The following MTMR12 variants were observed in gnomAD, a reference collection of about 807,000 sequenced individuals.
MTMR12 encodes the protein myotubularin related protein 12, also known as myotubularin-related protein 12.
A neutral mutation model predicts 96.7 loss-of-function variants in MTMR12; 33 were observed. That is an observed-to-expected ratio of 0.34 (90% CI 0.26 to 0.46). The LOEUF (loss-of-function observed/expected upper bound fraction) is 0.46. MTMR12 is among the 20% of genes least tolerant of loss of function. The pLI, the probability that MTMR12 is intolerant of heterozygous loss-of-function variation, is 1.00. For synonymous variants in MTMR12, 298 were observed against 327.2 expected, an observed-to-expected ratio of 0.91 and a Z score of 0.96; for missense variants, 721 against 896.1, an observed-to-expected ratio of 0.80 and a Z score of 2.49.
Position 32,255,686 on chromosome 5 carries a change from C to A in MTMR12, c.789+7G>T, listed in dbSNP as rs750217414. 6.8e-6 allele frequency: 11 copies of A among 1,606,450 alleles called. No individual in the cohort carries two copies. In the Middle Eastern group the frequency reaches 6.6e-4, roughly 96 times the overall value. On this transcript the variant is annotated splice_region_variant and intron_variant, in intron 8 of 15. Transcript: ENST00000382142. ...CCACACCTTTCAGGGTTCCCAGATGCACTTACTGGTATGCCATGACCCTGA... is the reference window on the plus strand; with the variant it reads ...CCACACCTTTCAGGGTTCCCAGATGAACTTACTGGTATGCCATGACCCTGA...
intron 10 of MTMR12, among the ~76,000 whole-genome samples, chr5:32,245,549 T>G (rs1249294514): frequency 6.6e-6 from 1 of 151,912 alleles, no homozygotes; most frequent in Non-Finnish European, 1.5e-5. Context: ...CTCTTATGGC[T>G]GGGCATGGTG....
At chr5:32,273,171 G>C (rs928739958) in intron 3 of MTMR12, among the ~76,000 whole-genome samples, 8 of 152,142 alleles carry the variant, frequency 5.3e-5, no homozygotes, top group Non-Finnish European at 1.0e-4. Flanking sequence ...AGGCCAAAGC[G>C]GGTGGATTTC....
chr5:32,242,033 T>C (rs752981943), intron 12 of MTMR12, 24 bp downstream of exon 12: 29 of 1,579,900 alleles, frequency 1.8e-5, no homozygotes, highest in Admixed American at 3.4e-5. Flanking sequence ...ATGGAAATCA[T>C]CCTTTGTGCT....
intron 8 of MTMR12, among the ~76,000 whole-genome samples, chr5:32,255,296 C>T (rs561462487): frequency 3.3e-5 from 5 of 152,272 alleles, no homozygotes; most frequent in South Asian, 2.1e-4. Flanking sequence ...AGCAGCACTC[C>T]ATGTTGTCTC....
At position 32,271,088 on chromosome 5, in the gene MTMR12, T is replaced by C. The variant is rs376597749; in HGVS notation, c.359-141A>G. On this transcript the variant is annotated intron_variant, in intron 4 of 15. Transcript: ENST00000382142. ...AGGTGCTGCCTGACTTTTAAGTGAC[T>C]GCCAAAGGAAGCCCAATCTCTTCCA... 18 of 1,019,736 alleles carry C rather than the reference T, an allele frequency of 1.8e-5. No homozygotes were observed. The East Asian group carries it at 1.9e-4, about 11-fold the overall frequency. 63.2% of individuals were successfully genotyped at this position (1,019,736 alleles called of 1,614,324 possible).
intron 14 of MTMR12, 152 bp from the exon 15 acceptor site, chr5:32,234,086 T>C: frequency 1.1e-6 from 1 of 917,142 alleles, no homozygotes. Context: ...CCTGTGGTTA[T>C]TCACTACAAG....
chr5:32,283,115 T>G (rs1378955412), intron 1 of MTMR12, among the ~76,000 whole-genome samples: 2 of 152,240 alleles, frequency 1.3e-5, no homozygotes, highest in Non-Finnish European at 2.9e-5. Context: ...TGCTGTATTC[T>G]GAATGTGTAT....
At chr5:32,232,468 G>A (rs182435802) in intron 15 of MTMR12, among the ~76,000 whole-genome samples, 36 of 152,258 alleles carry the variant, frequency 2.4e-4, no homozygotes, top group African/African-American at 8.7e-4. Context: ...GAAAAGCTAG[G>A]TCTGAGGAGA....
At chr5:32,292,746 TC>T (rs761694494) in intron 1 of MTMR12, among the ~76,000 whole-genome samples, 1 of 129,392 alleles carries the variant, frequency 7.7e-6, no homozygotes. Context: ...AAGGTTTGGG[TC>T]ACTCCACTAG....
chr5:32,298,894 A>G (rs1751024213), intron 1 of MTMR12, among the ~76,000 whole-genome samples: 1 of 149,760 alleles, frequency 6.7e-6, no homozygotes, highest in African/African-American at 2.5e-5. Context: ...CGGAGCTTGC[A>G]GTGAGCCGAG....
chr5:32,276,322 C>T (rs1195069256), intron 2 of MTMR12, among the ~76,000 whole-genome samples: 1 of 152,340 alleles, frequency 6.6e-6, no homozygotes, highest in East Asian at 1.9e-4. Context: ...CCTTGGGAGG[C>T]CATAGCAGTT....
chr5:32,311,453 C>T (rs1306178929), intron 1 of MTMR12, among the ~76,000 whole-genome samples: 2 of 152,178 alleles, frequency 1.3e-5, no homozygotes, highest in East Asian at 1.9e-4. Flanking sequence ...ATGCCTCAGG[C>T]CCCAGGTGGT....
intron 1 of MTMR12, among the ~76,000 whole-genome samples, chr5:32,292,739 G>A (rs1347769920): frequency 7.1e-6 from 1 of 141,014 alleles, no homozygotes; most frequent in African/African-American, 2.7e-5. Flanking sequence ...AGGAATAAAG[G>A]TTTGGGTCAC....
chr5:32,272,061 G>A (rs1749857311), intron 3 of MTMR12, among the ~76,000 whole-genome samples, 156 bp from the exon 4 acceptor site: 1 of 152,078 alleles, frequency 6.6e-6, no homozygotes, highest in Non-Finnish European at 1.5e-5. Flanking sequence ...GGAGGCCGAC[G>A]CGGGCGGATC....
In MTMR12 at chr5:32,235,135, T is replaced by C. The variant is rs781314812; in HGVS notation, c.1345-6A>G. 24 of 1,610,336 alleles carry C rather than the reference T, an allele frequency of 1.5e-5. No homozygotes were observed. The African/African-American group carries it at 2.4e-4, about 16-fold the overall frequency. On this transcript the variant is annotated splice_region_variant and splice_polypyrimidine_tract_variant and intron_variant, in intron 13 of 15. Coordinates refer to ENST00000382142, the MANE Select transcript of MTMR12 (RefSeq NM_001040446.3). ...AAAAGCAGGAACACAGGAACCTGCA[T>C]GAAAACAAGATACGTTACTTGGTGG...
intron 1 of MTMR12, among the ~76,000 whole-genome samples, chr5:32,293,191 T>G (rs1349164378): frequency 6.6e-6 from 1 of 152,188 alleles, no homozygotes; most frequent in African/African-American, 2.4e-5. Context: ...ATACTGAGTG[T>G]CAACTTGATT....
chr5:32,304,704 G>A (rs868741480), intron 1 of MTMR12, among the ~76,000 whole-genome samples: 3 of 152,174 alleles, frequency 2.0e-5, no homozygotes, highest in Admixed American at 6.5e-5. Flanking sequence ...TTTAACGTTC[G>A]AGCTAGAAGT....
intron 2 of MTMR12, among the ~76,000 whole-genome samples, chr5:32,275,713 A>T (rs1007643183): frequency 6.6e-6 from 1 of 152,210 alleles, no homozygotes; most frequent in Admixed American, 6.5e-5. Context: ...GTAATTCAGG[A>T]GGGGGGAGAA....
At chr5:32,307,294 G>A (rs750347103) in intron 1 of MTMR12, among the ~76,000 whole-genome samples, 6 of 152,036 alleles carry the variant, frequency 3.9e-5, no homozygotes, top group Non-Finnish European at 7.4e-5. Context: ...GATGGATTTG[G>A]TACCCAAACT....
Sources: allele counts gnomAD v4.1 joint callset (sites outside exome capture counted in the v4.1 genomes callset), GRCh38; gene constraint gnomAD v4.1.1; transcripts MANE v1.5; gene names NCBI Gene and HGNC (gene_info 2026-07-23, HGNC 2026-07-21).